Variants in ZNF474 observed in about 807,000 individuals in gnomAD.
The protein encoded by ZNF474 is 4933409D10Rik.
For missense variants in ZNF474, 511 were observed against 433.8 expected, an observed-to-expected ratio of 1.18 and a Z score of -1.58; for synonymous variants, 192 against 162.2, an observed-to-expected ratio of 1.18 and a Z score of -1.39.
At position 122,152,008 on chromosome 5, in the gene ZNF474, GA is replaced by G. The variant is rs1756193475; in HGVS notation, c.22del (p.Arg8GlufsTer47). MERGKK[K>X]RISNKLQQTF... ...CTTTGTTAATGGAAAGAGGAAAGAAGAAAAGAATTTCCAATAAGTTACAACA... is the reference window on the plus strand; with the variant it reads ...CTTTGTTAATGGAAAGAGGAAAGAAGAAAGAATTTCCAATAAGTTACAACA... On this transcript the variant is annotated frameshift_variant, in exon 2 of 2. Coordinates refer to ENST00000296600, the MANE Select transcript of ZNF474 (RefSeq NM_207317.3). LOFTEE classifies it low-confidence loss of function (END_TRUNC). The G allele has an allele frequency of 6.2e-7, 1 of 1,609,638 alleles. No homozygotes were observed. Among genetic ancestry groups the G allele is most frequent in the Non-Finnish European group, 8.5e-7 (1 of 1,178,976 alleles).
intron 1 of ZNF474, among the ~76,000 whole-genome samples, chr5:122,144,589 T>A (rs901429815): frequency 2.4e-4 from 37 of 152,174 alleles, no homozygotes; most frequent in Admixed American, 1.6e-3. Context: ...TTCTACAGGC[T>A]AAAAGGAACA....
intron 1 of ZNF474, among the ~76,000 whole-genome samples, chr5:122,146,004 G>A (rs1755979704): frequency 2.0e-5 from 3 of 152,188 alleles, no homozygotes; most frequent in Admixed American, 2.0e-4. Context: ...TACAAATTTG[G>A]TTGGATTCAG....
At chr5:122,146,890 A>G (rs1756004351) in intron 1 of ZNF474, among the ~76,000 whole-genome samples, 2 of 152,142 alleles carry the variant, frequency 1.3e-5, no homozygotes, top group African/African-American at 4.8e-5. Flanking sequence ...AAGAGAAGCA[A>G]TTGTTCTCTT....
chr5:122,132,206 G>A (rs1369776345), intron 1 of ZNF474, among the ~76,000 whole-genome samples: 1 of 151,936 alleles, frequency 6.6e-6, no homozygotes, highest in Non-Finnish European at 1.5e-5. Flanking sequence ...GTATGAATAT[G>A]CTATAATTTT....
chr5:122,130,444 T>C (rs1456609955), intron 1 of ZNF474, among the ~76,000 whole-genome samples: 1 of 152,218 alleles, frequency 6.6e-6, no homozygotes, highest in East Asian at 1.9e-4. Context: ...ATATATATTA[T>C]ATTGTCAGAC....
chr5:122,141,155 AT>A (rs1430043348), intron 1 of ZNF474, among the ~76,000 whole-genome samples: 2 of 30,504 alleles, frequency 6.6e-5, no homozygotes, highest in South Asian at 1.5e-3. Flanking sequence ...ATTTTATTTT[AT>A]TTTATTTTAT....
chr5:122,148,168 C>T (rs996779285), intron 1 of ZNF474, among the ~76,000 whole-genome samples: 2 of 152,256 alleles, frequency 1.3e-5, no homozygotes, highest in Admixed American at 1.3e-4. Flanking sequence ...GGGAGAGCAA[C>T]CAACACTGCT....
chr5:122,151,738 T>TGTGTGTGTGTGTG, intron 1 of ZNF474, 41 bp from the exon 2 acceptor site: 1 of 392,054 alleles, frequency 2.6e-6, no homozygotes. Context: ...TGTGTGTGTG[T>TGTGTGTGTGTGTG]TTACATAATA....
chr5:122,135,442 A>G (rs1755677377), intron 1 of ZNF474, among the ~76,000 whole-genome samples: 1 of 152,198 alleles, frequency 6.6e-6, no homozygotes, highest in Non-Finnish European at 1.5e-5. Flanking sequence ...CTAAAACAAG[A>G]TATCATCTCA....
intron 1 of ZNF474, among the ~76,000 whole-genome samples, chr5:122,141,837 C>T (rs1241550141): frequency 6.6e-6 from 1 of 152,074 alleles, no homozygotes; most frequent in Non-Finnish European, 1.5e-5. Context: ...ACTCTTAGAC[C>T]CCTTCTTTGG....
chr5:122,138,919 G>A (rs1755770861), intron 1 of ZNF474, among the ~76,000 whole-genome samples: 1 of 152,064 alleles, frequency 6.6e-6, no homozygotes, highest in East Asian at 1.9e-4. Context: ...TGAAAGAATG[G>A]AAAAATATAT....
intron 1 of ZNF474, among the ~76,000 whole-genome samples, chr5:122,141,537 G>A (rs1216186805): frequency 1.3e-5 from 2 of 151,962 alleles, no homozygotes; most frequent in African/African-American, 4.8e-5. Flanking sequence ...TTGATCTCTT[G>A]ACCTCATGAT....
intron 1 of ZNF474, among the ~76,000 whole-genome samples, chr5:122,148,437 C>T (rs966465329): frequency 6.6e-6 from 1 of 152,186 alleles, no homozygotes; most frequent in Non-Finnish European, 1.5e-5. Context: ...ATTTGCAGTG[C>T]ACAAATGTTT....
intron 1 of ZNF474, among the ~76,000 whole-genome samples, chr5:122,138,405 T>C (rs1755759066): frequency 6.6e-6 from 1 of 152,210 alleles, no homozygotes; most frequent in Non-Finnish European, 1.5e-5. Flanking sequence ...CCTCATGATC[T>C]TCTCAGCCTG....
intron 1 of ZNF474, among the ~76,000 whole-genome samples, chr5:122,150,435 A>T (rs1216341866): frequency 2.6e-5 from 4 of 152,172 alleles, no homozygotes; most frequent in African/African-American, 4.8e-5. Flanking sequence ...CACAGATATC[A>T]CAGCTCTTCT....
chr5:122,141,300 ATTTTTTTTT>A (rs368273210), intron 1 of ZNF474, among the ~76,000 whole-genome samples: 1 of 64,342 alleles, frequency 1.6e-5, no homozygotes, highest in Non-Finnish European at 2.6e-5. Flanking sequence ...ACCCCTGGCT[ATTTTTTTTT>A]TTTTTTTTTT....
intron 1 of ZNF474, among the ~76,000 whole-genome samples, chr5:122,140,274 T>C (rs1012794137): frequency 4.6e-5 from 7 of 152,226 alleles, no homozygotes; most frequent in African/African-American, 1.7e-4. Flanking sequence ...TTAATACACA[T>C]ACGAGTGCAA....
In ZNF474 at chr5:122,153,103, A is replaced by T; in HGVS notation, c.*18A>T. On this transcript the variant is annotated 3_prime_UTR_variant, in exon 2 of 2. Coordinates refer to ENST00000296600, the MANE Select transcript of ZNF474 (RefSeq NM_207317.3). ...GCCTGTAGGGGAACAAGAGAAAACT[A>T]TCCCCAGAATCAGCCACCTCAGCCC... is the stretch of plus-strand genomic sequence containing the variant. The T allele has an allele frequency of 6.3e-7, 1 of 1,585,490 alleles. No homozygotes were observed. The highest frequency in any genetic ancestry group is 8.6e-7 in the Non-Finnish European group (1 of 1,165,316).
chr5:122,151,971 A>G lies in ZNF474; in HGVS notation c.-20A>G. Reference sequence around the variant, plus strand: ...CTGGCCTGAAATCAGAGCAAGCACTACAGAAAGACATCTTTGTTAATGGAA... The same window carrying G: ...CTGGCCTGAAATCAGAGCAAGCACTGCAGAAAGACATCTTTGTTAATGGAA... On this transcript the variant is annotated 5_prime_UTR_variant, in exon 2 of 2. Transcript: ENST00000296600. 3 of 1,599,144 alleles carry G rather than the reference A, an allele frequency of 1.9e-6. No individual in the cohort carries two copies. Among genetic ancestry groups the G allele is most frequent in the Non-Finnish European group, 1.7e-6 (2 of 1,176,004 alleles).
Sources: gnomAD v4.1 joint callset for allele counts (sites outside exome capture counted in the v4.1 genomes callset) on GRCh38, gnomAD v4.1.1 for gene constraint, MANE v1.5 for transcripts, NCBI Gene and HGNC (gene_info 2026-07-23, HGNC 2026-07-21) for gene names.